The following ZCCHC7 variants were observed in gnomAD, a reference collection of about 807,000 sequenced individuals.
The protein encoded by ZCCHC7 is zinc finger CCHC-type containing 7.
A neutral mutation model predicts 52.0 loss-of-function variants in ZCCHC7; 35 were observed. That is an observed-to-expected ratio of 0.67 (90% confidence interval 0.51 to 0.89). ZCCHC7 has a LOEUF of 0.89. Ranked by LOEUF, ZCCHC7 falls within the 40% of genes least tolerant of loss-of-function variation. ZCCHC7 has a pLI of 0.00. For missense variants in ZCCHC7, 574 were observed against 649.1 expected (o/e 0.88, Z 1.26); for synonymous variants, 217 against 221.5 (o/e 0.98, Z 0.18).
intron 2 of ZCCHC7, among the ~76,000 whole-genome samples, chr9:37,179,659 G>C (rs1406644824): frequency 2.0e-5 from 3 of 152,122 alleles, no homozygotes; most frequent in Non-Finnish European, 4.4e-5. Flanking sequence ...ATTGATGGCT[G>C]TCGAGTATAA....
chr9:37,354,578 C>A lies in ZCCHC7; in HGVS notation c.1084-132C>A, dbSNP rs752008693. ...ACCCTCCCAACACCCCAGCAAGGAC[C>A]ATATCCTACAGCCACCACATGAGGT... On this transcript the variant is annotated intron_variant, in intron 7 of 8. Transcript: ENST00000336755. This position sits in a 1 kb window ranked among gnomAD's most constrained non-coding sequence, Gnocchi z 4.0. 1.9e-4 allele frequency: 117 copies of A among 615,852 alleles called. No homozygotes were observed. Among genetic ancestry groups the A allele is most frequent in the Non-Finnish European group, 2.8e-4 (98 of 352,268 alleles). 38.1% of individuals were successfully genotyped at this position (615,852 alleles called of 1,614,324 possible).
At chr9:37,168,973 C>A (rs965594787) in intron 2 of ZCCHC7, among the ~76,000 whole-genome samples, 4 of 152,122 alleles carry the variant, frequency 2.6e-5, no homozygotes, top group African/African-American at 9.7e-5. Context: ...TTTAAAAGTT[C>A]CAGGACCCTT....
chr9:37,311,420 T>TTATTTA (rs201339451), intron 5 of ZCCHC7, among the ~76,000 whole-genome samples: 1 of 152,134 alleles, frequency 6.6e-6, no homozygotes, highest in African/African-American at 2.4e-5. Flanking sequence ...ATTTATTTAT[T>TTATTTA]TTTATTTTTA....
intron 2 of ZCCHC7, among the ~76,000 whole-genome samples, chr9:37,293,509 C>G (rs543279944): frequency 6.6e-6 from 1 of 152,138 alleles, no homozygotes; most frequent in Non-Finnish European, 1.5e-5. Context: ...TTTATTTATG[C>G]TTGTCATTTT....
In ZCCHC7 at chr9:37,354,757, C is replaced by A. The variant is rs574951047; in HGVS notation, c.1131C>A (p.Phe377Leu). The change falls in exon 8 of 9, where the codon TTC becomes TTA. Residue 377 changes from phenylalanine to leucine, a missense_variant. Phe to Leu is a conservative substitution (Grantham distance 22). Around this residue, in one of 3 missense-constraint regions of ZCCHC7, gnomAD observed 403 missense variants for 461.2 expected, o/e 0.87. Transcript: ENST00000336755. The surrounding 1 kb of genome is among the most constrained non-coding windows in gnomAD (Gnocchi z 4.0). ...EVYDPSPVSP[F>L]ICYYDDKYEI... ...ATGACCCGTCTCCAGTATCTCCATT[C>A]ATCTGCTACTATGATGACAAATATG... 5.6e-6 allele frequency: 9 copies of A among 1,613,320 alleles called. No individual in the cohort carries two copies. Among genetic ancestry groups the A allele is most frequent in the Non-Finnish European group, 7.6e-6 (9 of 1,179,480 alleles).
chr9:37,173,301 C>T (rs892788526), intron 2 of ZCCHC7, among the ~76,000 whole-genome samples: 4 of 152,096 alleles, frequency 2.6e-5, no homozygotes, highest in Admixed American at 2.0e-4. Context: ...CTCTTATGAC[C>T]CTGCAGACTG....
chr9:37,346,973 G>A (rs999939328), intron 6 of ZCCHC7, among the ~76,000 whole-genome samples: 1 of 152,116 alleles, frequency 6.6e-6, no homozygotes, highest in Non-Finnish European at 1.5e-5. Flanking sequence ...TCCACCTTGG[G>A]CAACAGGGGA....
Position 37,261,813 on chromosome 9 carries a change from G to C in ZCCHC7, c.611-40375G>C, listed in dbSNP as rs1313166631. On this transcript the variant is annotated intron_variant, in intron 2 of 8. Transcript: ENST00000336755. ...GTTTTTTTCTCCTAATTTTAGTCAA[G>C]GTAAACATCTAAGCAGCAAGTAATA... is the stretch of plus-strand genomic sequence containing the variant. Among the ~76,000 whole-genome samples the C allele has an allele frequency of 3.3e-5, 5 of 151,662 alleles. 1 individual carries two copies. The highest frequency in any genetic ancestry group is 1.5e-5 in the Non-Finnish European group (1 of 67,972).
chr9:37,216,400 C>G (rs957083293), intron 2 of ZCCHC7, among the ~76,000 whole-genome samples: 1 of 152,138 alleles, frequency 6.6e-6, no homozygotes, highest in Non-Finnish European at 1.5e-5. Context: ...CTTGGCCATA[C>G]GCGGTGGCTC....
At chr9:37,170,933 A>T (rs1269869498) in intron 2 of ZCCHC7, among the ~76,000 whole-genome samples, 1 of 152,198 alleles carries the variant, frequency 6.6e-6, no homozygotes, top group African/African-American at 2.4e-5. Flanking sequence ...AAAGCTCAAA[A>T]GGTTTAAGTT....
At chr9:37,273,178 A>G (rs1195821181) in intron 2 of ZCCHC7, among the ~76,000 whole-genome samples, 1 of 152,168 alleles carries the variant, frequency 6.6e-6, no homozygotes, top group Non-Finnish European at 1.5e-5. Flanking sequence ...ATGGCACACA[A>G]GCCTAAAATA....
chr9:37,295,516 T>C (rs1307567282), intron 2 of ZCCHC7, among the ~76,000 whole-genome samples: 4 of 152,190 alleles, frequency 2.6e-5, no homozygotes, highest in African/African-American at 7.2e-5. Context: ...TCAGAAGATA[T>C]TTCATAATCT....
At chr9:37,206,273 C>T (rs927784883) in intron 2 of ZCCHC7, among the ~76,000 whole-genome samples, 5 of 151,402 alleles carry the variant, frequency 3.3e-5, no homozygotes, top group East Asian at 3.9e-4. Context: ...CTTCCCCTCC[C>T]GGCTTTCTCC....
chr9:37,210,290 G>A (rs1275026454), intron 2 of ZCCHC7, among the ~76,000 whole-genome samples: 1 of 152,204 alleles, frequency 6.6e-6, no homozygotes, highest in Non-Finnish European at 1.5e-5. Flanking sequence ...CTAAAAGTCT[G>A]CATTTGCAGC....
chr9:37,254,830 A>G (rs1430610682), intron 2 of ZCCHC7, among the ~76,000 whole-genome samples: 1 of 41,896 alleles, frequency 2.4e-5, no homozygotes, highest in Non-Finnish European at 5.2e-5. Context: ...TAATGCTCAA[A>G]AAGTTTCTTT....
At chr9:37,344,680 A>G (rs1223409755) in intron 6 of ZCCHC7, among the ~76,000 whole-genome samples, 4 of 152,278 alleles carry the variant, frequency 2.6e-5, no homozygotes, top group African/African-American at 4.8e-5. Context: ...TCTCATTCAT[A>G]TAACTATTTT....
At chr9:37,202,252 A>G (rs1157487247) in intron 2 of ZCCHC7, among the ~76,000 whole-genome samples, 1 of 152,228 alleles carries the variant, frequency 6.6e-6, no homozygotes, top group Non-Finnish European at 1.5e-5. Context: ...GATAACATGC[A>G]TGTACAATAG....
intron 2 of ZCCHC7, among the ~76,000 whole-genome samples, chr9:37,208,408 T>C (rs1299103054): frequency 6.6e-6 from 1 of 152,148 alleles, no homozygotes; most frequent in Non-Finnish European, 1.5e-5. Flanking sequence ...TGAAACACAG[T>C]CTACTAGATT....
At chr9:37,167,810 A>C (rs1821507832) in intron 2 of ZCCHC7, among the ~76,000 whole-genome samples, 1 of 152,188 alleles carries the variant, frequency 6.6e-6, no homozygotes, top group South Asian at 2.1e-4. Context: ...GCTCTATGCA[A>C]CATCATGTAA....
Sources: gnomAD v4.1 joint callset for allele counts (sites outside exome capture counted in the v4.1 genomes callset) on GRCh38, gnomAD v4.1.1 for gene constraint, gnomAD v4.1.1 regional missense constraint, Gnocchi (gnomAD v3.1) non-coding constraint, MANE v1.5 for transcripts, NCBI Gene and HGNC (gene_info 2026-07-23, HGNC 2026-07-21) for gene names.